Variants in UFL1 observed in about 807,000 individuals in gnomAD.
UFL1 encodes E3 UFM1-protein ligase 1.
Under a neutral mutation model 99.3 loss-of-function variants are expected in UFL1, and 78 were observed. The ratio of observed to expected loss-of-function variants is 0.79; its 90% confidence interval spans 0.65 to 0.95. UFL1 has a LOEUF of 0.95. Ranked by LOEUF, UFL1 falls within the 40% of genes least tolerant of loss-of-function variation. The pLI is 0.00. For synonymous variants in UFL1, 335 were observed against 322.2 expected, an observed-to-expected ratio of 1.04 and a Z score of -0.42; for missense variants, 936 against 937.0, an observed-to-expected ratio of 1.00 and a Z score of 0.01.
chr6:96,543,950 T>A (rs1769965579), intron 12 of UFL1, among the ~76,000 whole-genome samples: 2 of 151,200 alleles, frequency 1.3e-5, no homozygotes. Context: ...CATTTTCCTA[T>A]ACATTTATAA....
chr6:96,528,931 T>C (rs2127949428), intron 6 of UFL1, among the ~76,000 whole-genome samples: 1 of 152,284 alleles, frequency 6.6e-6, no homozygotes, highest in East Asian at 1.9e-4. Flanking sequence ...TATATAAGTG[T>C]CACCCTTGAA....
At chr6:96,540,793 T>G in intron 11 of UFL1, 138 bp downstream of exon 11, 1 of 1,026,686 alleles carries the variant, frequency 9.7e-7, no homozygotes, top group African/African-American at 1.7e-5. Context: ...CAACCAAATA[T>G]TTTGCTAATG....
chr6:96,549,313 T>A, intron 13 of UFL1, 99 bp from the exon 14 acceptor site: 1 of 953,376 alleles, frequency 1.0e-6, no homozygotes, highest in East Asian at 3.1e-5. Flanking sequence ...AAAATAGAGA[T>A]TTCTATTCTT....
At chr6:96,533,769 T>A (rs1315427391) in intron 6 of UFL1, among the ~76,000 whole-genome samples, 1 of 132,556 alleles carries the variant, frequency 7.5e-6, no homozygotes, top group Non-Finnish European at 1.6e-5. Context: ...AAATGCATAG[T>A]CATTGCAGAA....
intron 5 of UFL1, among the ~76,000 whole-genome samples, chr6:96,527,067 A>G (rs1434686653): frequency 6.6e-6 from 1 of 152,196 alleles, no homozygotes; most frequent in African/African-American, 2.4e-5. Flanking sequence ...TCAGTACTCA[A>G]ATATCTTATG....
intron 3 of UFL1, 71 bp from the exon 4 acceptor site, chr6:96,525,226 C>A: frequency 8.2e-7 from 1 of 1,221,586 alleles, no homozygotes. Context: ...AAATATAGTT[C>A]TAAGTATATA....
At chr6:96,539,928 T>C (rs1769906454) in intron 10 of UFL1, among the ~76,000 whole-genome samples, 1 of 151,606 alleles carries the variant, frequency 6.6e-6, no homozygotes, top group Non-Finnish European at 1.5e-5. Context: ...ATTACTTTTA[T>C]CATAAATATA....
At chr6:96,541,554 T>C (rs1416742198) in intron 11 of UFL1, among the ~76,000 whole-genome samples, 1 of 151,236 alleles carries the variant, frequency 6.6e-6, no homozygotes, top group Non-Finnish European at 1.5e-5. Flanking sequence ...TCCAGAATCT[T>C]TTTCTTAAAA....
intron 16 of UFL1, 54 bp from the exon 17 acceptor site, chr6:96,551,784 C>T: frequency 8.5e-7 from 1 of 1,171,542 alleles, no homozygotes; most frequent in Non-Finnish European, 1.2e-6. Context: ...AATGGCTATA[C>T]TTCCTTATGC....
At chr6:96,547,297 T>G (rs761948993) in intron 12 of UFL1, among the ~76,000 whole-genome samples, 35 of 151,762 alleles carry the variant, frequency 2.3e-4, no homozygotes, top group Non-Finnish European at 4.6e-4. Context: ...AGAATGGCTA[T>G]TACTAAAAAG....
chr6:96,534,783 G>A lies in UFL1; in HGVS notation c.655+462G>A, dbSNP rs186439296. On this transcript the variant is annotated intron_variant, in intron 7 of 18. Transcript: ENST00000369278. ...CTCGAAAATAATCTTTGTTCATTAT[G>A]TTGTTTGTGAAGCTCTTGGGAGGTT... 2.4e-4 allele frequency among the ~76,000 whole-genome samples: 37 copies of A among 151,630 alleles called. No individual in the cohort carries two copies. In the Middle Eastern group the frequency reaches 0.017, roughly 70 times the overall value.
In UFL1 at chr6:96,545,967, G is replaced by A. The variant is rs148780630; in HGVS notation, c.1403-2197G>A. ...CCATTAAGAACTGGAACAAGGCAAA[G>A]GATGTCTACTCTCACCACTCCTATT... is the stretch of plus-strand genomic sequence containing the variant. On this transcript the variant is annotated intron_variant, in intron 12 of 18. Transcript: ENST00000369278. Among the ~76,000 whole-genome samples, 864 of 151,336 alleles carry A rather than the reference G, an allele frequency of 5.7e-3. 4 individuals are homozygous for A. The highest frequency in any genetic ancestry group is 0.012 in the Admixed American group (176 of 15,120).
At chr6:96,550,652 G>A (rs151135611) in intron 15 of UFL1, among the ~76,000 whole-genome samples, 1 of 152,098 alleles carries the variant, frequency 6.6e-6, no homozygotes, top group Non-Finnish European at 1.5e-5. Context: ...TCCTTCCCCA[G>A]CAAGGTGCTG....
At chr6:96,525,956 C>T (rs780958145) in intron 4 of UFL1, among the ~76,000 whole-genome samples, 7 of 150,938 alleles carry the variant, frequency 4.6e-5, no homozygotes, top group East Asian at 2.0e-4. Context: ...TGTGGTGGCT[C>T]GCACCTGTAG....
intron 6 of UFL1, among the ~76,000 whole-genome samples, chr6:96,531,878 T>C (rs1769787649): frequency 6.6e-6 from 1 of 152,176 alleles, no homozygotes; most frequent in South Asian, 2.1e-4. Context: ...AAGATGTTGC[T>C]AGGTTGTGTG....
At chr6:96,531,825 G>C (rs1344259513) in intron 6 of UFL1, among the ~76,000 whole-genome samples, 2 of 152,002 alleles carry the variant, frequency 1.3e-5, no homozygotes, top group African/African-American at 4.8e-5. Flanking sequence ...GCTATATGGA[G>C]GTACCATCAA....
chr6:96,551,859 T>G lies in UFL1; in HGVS notation c.1921T>G (p.Cys641Gly), dbSNP rs1305787751. ...NEKSIEDFISCLDSAAEACDI... is the reference protein window; with the variant it reads ...NEKSIEDFISGLDSAAEACDI... ...TCAGAGCATAGAAGACTTTATTTCT[T>G]GTCTGGATTCTGCAGCAGAAGCTTG... Residue 641 changes from cysteine to glycine, a missense_variant, in exon 17 of 19, where the codon TGT (cysteine) becomes GGT (glycine). By Grantham distance (159) the Cys-to-Gly change is radical (BLOSUM62 -3). Coordinates refer to ENST00000369278, the MANE Select transcript of UFL1 (RefSeq NM_015323.5). 1 of 1,607,700 alleles carries G rather than the reference T, an allele frequency of 6.2e-7. No individual in the cohort carries two copies. Among genetic ancestry groups the G allele is most frequent in the Admixed American group, 1.7e-5 (1 of 59,356 alleles).
At chr6:96,549,363 A>G (rs756977384) in intron 13 of UFL1, 49 bp from the exon 14 acceptor site, 65 of 1,450,894 alleles carry the variant, frequency 4.5e-5, no homozygotes, top group Non-Finnish European at 5.9e-5. Context: ...TTATCTATAT[A>G]AATACTCAGT....
chr6:96,549,792 C>G lies in UFL1; in HGVS notation c.1811C>G (p.Thr604Arg), dbSNP rs781317366. The part of the protein sequence containing the change: ...MMAVDDPAAI[T>R]SEIRKKILSK... ...GCAGTAGACGATCCTGCAGCCATTA[C>G]AAGTGAAGTATGTTAATGATCTCCC... Residue 604 changes from threonine to arginine, a missense_variant, in exon 15 of 19, where the codon ACA (threonine) becomes AGA (arginine). Coordinates refer to ENST00000369278, the MANE Select transcript of UFL1 (RefSeq NM_015323.5). 1 of 1,611,230 alleles carries G rather than the reference C, an allele frequency of 6.2e-7. No individual in the cohort carries two copies. Among genetic ancestry groups the G allele is most frequent in the African/African-American group, 1.3e-5 (1 of 74,690 alleles).
Sources: gnomAD v4.1 joint callset for allele counts (sites outside exome capture counted in the v4.1 genomes callset) on GRCh38, gnomAD v4.1.1 for gene constraint, MANE v1.5 for transcripts, NCBI Gene and HGNC (gene_info 2026-07-23, HGNC 2026-07-21) for gene names.